The following SPECC1 variants were observed in gnomAD, a reference collection of about 807,000 sequenced individuals.
The protein encoded by SPECC1 is cytospin-B.
A neutral mutation model predicts 104.1 loss-of-function variants in SPECC1; 62 were observed. The ratio of observed to expected loss-of-function variants is 0.60; its 90% CI spans 0.49 to 0.74. The LOEUF is 0.74. Ranked by LOEUF, SPECC1 falls within the 30% of genes least tolerant of loss-of-function variation. SPECC1 has a pLI of 0.00. For missense variants in SPECC1, 1,306 were observed against 1,310.5 expected (o/e 1.00, Z 0.05); for synonymous variants, 513 against 501.6 (o/e 1.02, Z -0.30).
chr17:20,260,133 AT>A, intron 11 of SPECC1, 58 bp from the exon 12 acceptor site: 2 of 1,356,240 alleles, frequency 1.5e-6, no homozygotes, highest in East Asian at 4.8e-5. Context: ...TTTCTTGTGT[AT>A]TTGAGAATTC....
At chr17:20,106,102 A>G (rs1032022810) in intron 2 of SPECC1, among the ~76,000 whole-genome samples, 6 of 152,172 alleles carry the variant, frequency 3.9e-5, no homozygotes, top group African/African-American at 1.4e-4. Context: ...GGCTTGCGTT[A>G]TTGCGTTAAG....
intron 9 of SPECC1, among the ~76,000 whole-genome samples, chr17:20,251,224 C>CAAAAAAAAAAACAAAAAAAAAAA (rs2039617604): frequency 2.0e-5 from 1 of 51,044 alleles, no homozygotes; most frequent in Non-Finnish European, 3.4e-5. Flanking sequence ...GACTCTATCT[C>CAAAAAAAAAAACAAAAAAAAAAA]AAAAAAAAAA....
chr17:20,107,162 A>G lies in SPECC1; in HGVS notation c.148-3265A>G, dbSNP rs963472640. On this transcript the variant is annotated intron_variant, in intron 2 of 14. Coordinates refer to ENST00000395527, the MANE Select transcript of SPECC1 (RefSeq NM_001243439.2). ...CGTGTCTCAAAAAAAAAAAAAAAAA[A>G]AAAAAAAGAAAAGAAAAACAAAAGA... Among the ~76,000 whole-genome samples, 10 of 150,328 alleles carry G rather than the reference A, an allele frequency of 6.7e-5. No homozygotes were observed. The South Asian group carries it at 8.4e-4, about 13-fold the overall frequency.
At chr17:20,196,210 C>T (rs1482124361) in intron 3 of SPECC1, among the ~76,000 whole-genome samples, 1 of 152,222 alleles carries the variant, frequency 6.6e-6, no homozygotes, top group East Asian at 1.9e-4. Context: ...ACTTTCCTTA[C>T]ACACCTTACA....
chr17:20,242,696 A>G (rs1187377577), intron 7 of SPECC1, among the ~76,000 whole-genome samples: 1 of 152,190 alleles, frequency 6.6e-6, no homozygotes, highest in East Asian at 1.9e-4. Flanking sequence ...CATTATAGAA[A>G]ATTTGAGAAA....
At chr17:20,039,475 C>A (rs2045233467) in intron 1 of SPECC1, among the ~76,000 whole-genome samples, 1 of 152,122 alleles carries the variant, frequency 6.6e-6, no homozygotes, top group East Asian at 1.9e-4. Flanking sequence ...AATATAGCCA[C>A]TCCTTTCTTT....
At chr17:20,242,060 C>G (rs1413724681) in intron 7 of SPECC1, among the ~76,000 whole-genome samples, 1 of 152,182 alleles carries the variant, frequency 6.6e-6, no homozygotes, top group Non-Finnish European at 1.5e-5. Flanking sequence ...CCGCCCTCTT[C>G]ACAAATATTA....
At chr17:20,265,198 C>T (rs560135694) in intron 12 of SPECC1, among the ~76,000 whole-genome samples, 2 of 152,336 alleles carry the variant, frequency 1.3e-5, no homozygotes, top group East Asian at 3.9e-4. Context: ...CTGCTTTCCA[C>T]AGGGGCTGAA....
At chr17:20,241,456 A>G (rs2039198036) in intron 7 of SPECC1, among the ~76,000 whole-genome samples, 1 of 152,084 alleles carries the variant, frequency 6.6e-6, no homozygotes, top group Admixed American at 6.5e-5. Context: ...TTGGCCCTCT[A>G]GGGTGGGGGA....
chr17:20,257,568 G>A lies in SPECC1; in HGVS notation c.2798G>A (p.Ser933Asn), dbSNP rs180916805. Residue 933 changes from serine (S) to asparagine (N), a missense_variant, in exon 11 of 15, where the codon AGT becomes AAT. Ser to Asn is a conservative substitution (Grantham distance 46, BLOSUM62 1). Transcript: ENST00000395527. ...GGCTTTGGGGACACAAGACTGCTGA[G>A]TGCTTCCACCCGGGCATGGAAACCA... ...SLGFGDTRLL[S>N]ASTRAWKPQS... 4.3e-6 allele frequency: 7 copies of A among 1,613,320 alleles called. No homozygotes were observed. The Admixed American group carries it at 1.0e-4, about 23-fold the overall frequency.
At chr17:20,212,111 C>T (rs181303394) in intron 4 of SPECC1, among the ~76,000 whole-genome samples, 2 of 152,312 alleles carry the variant, frequency 1.3e-5, no homozygotes, top group African/African-American at 4.8e-5. Context: ...TTTCTAACAG[C>T]CTTTCTCCAC....
At chr17:20,021,678 A>G (rs1013106840) in intron 1 of SPECC1, among the ~76,000 whole-genome samples, 2 of 142,144 alleles carry the variant, frequency 1.4e-5, no homozygotes, top group African/African-American at 5.3e-5. Context: ...TATATATAAT[A>G]TAATAATATA....
Position 20,314,481 on chromosome 17 carries a change from A to G in SPECC1, c.*416A>G. 3.4e-6 allele frequency: 1 copy of G among 298,102 alleles called. No homozygotes were observed. The highest frequency in any genetic ancestry group is 6.5e-6 in the Non-Finnish European group (1 of 154,430). The allele number at this position is 298,102 out of a possible 1,614,324, so 18.5% of individuals were successfully genotyped here. On this transcript the variant is annotated 3_prime_UTR_variant, in exon 15 of 15. Transcript: ENST00000395527. ...AATATCCCGGCTTTGCCTTTATGAAACCTTTGCCCTTGGCTGGGTGTGGTA... is the reference window on the plus strand; with the variant it reads ...AATATCCCGGCTTTGCCTTTATGAAGCCTTTGCCCTTGGCTGGGTGTGGTA...
chr17:20,174,706 A>C (rs1035432705), intron 3 of SPECC1, among the ~76,000 whole-genome samples: 1 of 151,100 alleles, frequency 6.6e-6, no homozygotes, highest in Non-Finnish European at 1.5e-5. Context: ...TCAAACACTC[A>C]CCGAGTATTT....
At chr17:20,257,648 G>C in intron 11 of SPECC1, 41 bp downstream of exon 11, 1 of 1,603,586 alleles carries the variant, frequency 6.2e-7, no homozygotes, top group African/African-American at 1.3e-5. Context: ...AAAACATCGG[G>C]CTAATCACCT....
chr17:20,026,043 C>G (rs1237263219), intron 1 of SPECC1, among the ~76,000 whole-genome samples: 4 of 151,356 alleles, frequency 2.6e-5, no homozygotes, highest in Non-Finnish European at 5.9e-5. Flanking sequence ...AGGCTTTTAC[C>G]CATTTTTGAA....
At chr17:20,116,238 G>A (rs1009406975) in intron 3 of SPECC1, among the ~76,000 whole-genome samples, 5 of 151,936 alleles carry the variant, frequency 3.3e-5, no homozygotes, top group African/African-American at 9.7e-5. Flanking sequence ...ACAGGTGCCC[G>A]CCACCACGCC....
intron 3 of SPECC1, among the ~76,000 whole-genome samples, chr17:20,174,401 A>G (rs1008494649): frequency 6.6e-6 from 1 of 152,224 alleles, no homozygotes; most frequent in African/African-American, 2.4e-5. Context: ...CCAGGGAAGC[A>G]GGACTCAAGA....
At chr17:20,142,232 AT>A (rs2030900004) in intron 3 of SPECC1, among the ~76,000 whole-genome samples, 1 of 152,206 alleles carries the variant, frequency 6.6e-6, no homozygotes, top group Non-Finnish European at 1.5e-5. Context: ...TATTAAGATG[AT>A]TCATGCTTGA....
Sources: gnomAD v4.1 joint callset for allele counts (sites outside exome capture counted in the v4.1 genomes callset) on GRCh38, gnomAD v4.1.1 for gene constraint, MANE v1.5 for transcripts, NCBI Gene and HGNC (gene_info 2026-07-23, HGNC 2026-07-21) for gene names.